The following JAK2 variants were observed in gnomAD, a reference collection of about 807,000 sequenced individuals.
JAK2 encodes Janus kinase 2.
JAK2 carries 86 observed loss-of-function variants against 139.3 expected under a neutral mutation model. The observed-to-expected ratio is 0.62, with a 90% CI of 0.52 to 0.74. The LOEUF (loss-of-function observed/expected upper bound fraction) is 0.74. JAK2 is among the 30% of genes least tolerant of loss of function. The probability of loss-of-function intolerance (pLI) is 0.00; values close to 1 mark genes in which losing one functional copy is unlikely to be tolerated. For missense variants in JAK2, 1,421 were observed against 1,360.3 expected (o/e 1.04, Z -0.70); for synonymous variants, 490 against 437.7 (o/e 1.12, Z -1.49).
intron 22 of JAK2, among the ~76,000 whole-genome samples, chr9:5,104,091 G>T (rs573867108): frequency 6.6e-6 from 1 of 151,840 alleles, no homozygotes; most frequent in Non-Finnish European, 1.5e-5. Context: ...AGGAGATAGA[G>T]ACACAACTCT....
intron 2 of JAK2, among the ~76,000 whole-genome samples, 183 bp from the exon 3 acceptor site, chr9:5,021,780 A>T (rs1005772091): frequency 1.3e-5 from 2 of 152,128 alleles, no homozygotes; most frequent in African/African-American, 4.8e-5. Flanking sequence ...GCGTGCTGCC[A>T]CGCCCAGCTA....
chr9:5,069,299 T>C (rs1351013104), intron 11 of JAK2, 91 bp downstream of exon 11: 3 of 793,810 alleles, frequency 3.8e-6, no homozygotes, highest in Non-Finnish European at 6.0e-6. Context: ...TCAAAGGATA[T>C]ATGAAAGAAG....
intron 7 of JAK2, 128 bp downstream of exon 7, chr9:5,055,012 T>C (rs1817665535): frequency 1.6e-6 from 1 of 636,738 alleles, no homozygotes; most frequent in Non-Finnish European, 2.6e-6. Context: ...AAGTTTTTAA[T>C]AGCGTGAACC....
At chr9:5,057,580 C>CTTTTTT (rs541931562) in intron 8 of JAK2, among the ~76,000 whole-genome samples, 7 of 116,796 alleles carry the variant, frequency 6.0e-5, no homozygotes, top group Non-Finnish European at 1.0e-4. Flanking sequence ...ATTCTACTTT[C>CTTTTTT]TTTTTTTTTT....
At chr9:5,046,620 C>T (rs1452919148) in intron 5 of JAK2, among the ~76,000 whole-genome samples, 6 of 152,098 alleles carry the variant, frequency 3.9e-5, no homozygotes, top group African/African-American at 1.4e-4. Flanking sequence ...TGTGAATATC[C>T]AGTTTTCCTA....
intron 4 of JAK2, among the ~76,000 whole-genome samples, chr9:5,040,033 GACTTAT>G (rs1816367539): frequency 6.6e-6 from 1 of 152,132 alleles, no homozygotes; most frequent in Non-Finnish European, 1.5e-5. Context: ...AAAGTTTGAA[GACTTAT>G]ACTTCCTAAT....
At chr9:5,107,972 T>G (rs527345006) in intron 22 of JAK2, 5 of 152,198 alleles carry the variant, frequency 3.3e-5, no homozygotes, top group African/African-American at 1.2e-4. Flanking sequence ...ATAATATGAT[T>G]CTCTAAAAAT....
At chr9:5,042,644 C>T (rs1047494766) in intron 4 of JAK2, among the ~76,000 whole-genome samples, 12 of 152,042 alleles carry the variant, frequency 7.9e-5, no homozygotes, top group Non-Finnish European at 4.4e-5. Context: ...TCCAGCTTGT[C>T]TCCCTCATCC....
chr9:5,000,651 C>T (rs1446769844), intron 2 of JAK2, among the ~76,000 whole-genome samples: 1 of 151,994 alleles, frequency 6.6e-6, no homozygotes, highest in East Asian at 1.9e-4. Context: ...TATAAATTTT[C>T]CCTATATGCT....
At position 5,090,747 on chromosome 9, in the gene JAK2, G is replaced by A. The variant is rs759951680; in HGVS notation, c.2895G>A (p.Glu965=). ...AAATGTTTTATCCATAGGGTATGGA[G>A]TATCTTGGTACAAAAAGGTATATCC... The part of the protein sequence containing the change: ...QYTSQICKGM[E]YLGTKRYIHR... Residue 965 remains glutamate (E), a synonymous_variant, in exon 22 of 25, where the codon GAG becomes GAA. Transcript: ENST00000381652. The A allele has an allele frequency of 9.4e-6, 15 of 1,602,550 alleles. No homozygotes were observed. Among genetic ancestry groups the A allele is most frequent in the Non-Finnish European group, 1.3e-5 (15 of 1,176,970 alleles).
intron 19 of JAK2, among the ~76,000 whole-genome samples, chr9:5,086,997 C>A (rs530918809): frequency 2.0e-5 from 3 of 152,138 alleles, no homozygotes; most frequent in Non-Finnish European, 4.4e-5. Flanking sequence ...TACAACTTAG[C>A]ATTTTTAAAT....
intron 2 of JAK2, among the ~76,000 whole-genome samples, chr9:5,018,878 T>C (rs1822236583): frequency 6.6e-6 from 1 of 152,252 alleles, no homozygotes; most frequent in Admixed American, 6.5e-5. Context: ...AGAAATCTGC[T>C]GTTAGTCTGA....
At chr9:5,111,349 C>T in intron 22 of JAK2, 2 of 410,272 alleles carry the variant, frequency 4.9e-6, no homozygotes, top group Non-Finnish European at 9.4e-6. Context: ...AAGGGGACCT[C>T]CCGGTACTAC....
At chr9:5,079,181 G>A (rs776254932) in intron 16 of JAK2, among the ~76,000 whole-genome samples, 3 of 152,154 alleles carry the variant, frequency 2.0e-5, no homozygotes, top group Admixed American at 6.5e-5. Context: ...AATTCTTACA[G>A]GGTCTTACAT....
chr9:5,114,894 C>G (rs926088040), intron 22 of JAK2: 1 of 197,924 alleles, frequency 5.1e-6, no homozygotes, highest in Non-Finnish European at 1.0e-5. Flanking sequence ...GTTGCAATGA[C>G]CCCAGGAAGC....
intron 2 of JAK2, among the ~76,000 whole-genome samples, chr9:5,017,065 C>T (rs1033104616): frequency 6.6e-6 from 1 of 152,148 alleles, no homozygotes; most frequent in Non-Finnish European, 1.5e-5. Flanking sequence ...AAGTTTTAAA[C>T]TACTTGAGGG....
intron 2 of JAK2, among the ~76,000 whole-genome samples, chr9:5,019,416 C>G (rs1311137965): frequency 6.6e-6 from 1 of 151,962 alleles, no homozygotes; most frequent in Non-Finnish European, 1.5e-5. Context: ...TGGTAAATTT[C>G]TCATTGATAT....
intron 2 of JAK2, among the ~76,000 whole-genome samples, chr9:5,015,932 CTGT>C (rs1170070228): frequency 3.3e-5 from 5 of 152,144 alleles, no homozygotes; most frequent in Non-Finnish European, 5.9e-5. Context: ...ATAGATCAAG[CTGT>C]ACATATATAT....
chr9:5,050,234 C>T (rs1347189822), intron 5 of JAK2, among the ~76,000 whole-genome samples: 1 of 152,086 alleles, frequency 6.6e-6, no homozygotes, highest in Non-Finnish European at 1.5e-5. Context: ...TGCAAATGAA[C>T]TTTTATTAAA....
Sources: allele counts gnomAD v4.1 joint callset (sites outside exome capture counted in the v4.1 genomes callset), GRCh38; gene constraint gnomAD v4.1.1; transcripts MANE v1.5; gene names NCBI Gene and HGNC (gene_info 2026-07-23, HGNC 2026-07-21).